Variants in TKT observed in about 807,000 individuals in gnomAD.
The protein encoded by TKT is epididymis luminal protein 107.
In TKT, 47 loss-of-function variants were observed where a neutral mutation model predicts 63.9. The ratio of observed to expected loss-of-function variants is 0.74; its 90% CI spans 0.58 to 0.94. TKT has a LOEUF of 0.94. TKT is among the 40% of genes least tolerant of loss of function. The probability of loss-of-function intolerance (pLI) is 0.00; values close to 1 mark genes in which losing one functional copy is unlikely to be tolerated. For synonymous variants in TKT, 338 were observed against 334.1 expected, an observed-to-expected ratio of 1.01 and a Z score of -0.13; for missense variants, 721 against 846.2, an observed-to-expected ratio of 0.85 and a Z score of 1.84.
chr3:53,236,879 C>T (rs1233543661), intron 4 of TKT, among the ~76,000 whole-genome samples: 14 of 152,212 alleles, frequency 9.2e-5, no homozygotes, highest in African/African-American at 3.4e-4. Context: ...CCTGGGCTAA[C>T]CCTGAGGCTT....
In TKT at chr3:53,225,574, G is replaced by T; in HGVS notation, c.*182C>A. 2 of 669,788 alleles carry T rather than the reference G, an allele frequency of 3.0e-6. No individual in the cohort carries two copies. Among genetic ancestry groups the T allele is most frequent in the South Asian group, 2.8e-5 (1 of 36,070 alleles). 41.5% of individuals were successfully genotyped at this position (669,788 alleles called of 1,614,324 possible). On this transcript the variant is annotated 3_prime_UTR_variant, in exon 14 of 14. Transcript: ENST00000462138. Reference sequence around the variant, plus strand: ...GACCAAGGACACCAGCCTCCCTAGCGCACCCTCCACGCTTCTTCCCCAGAA... The same window carrying T: ...GACCAAGGACACCAGCCTCCCTAGCTCACCCTCCACGCTTCTTCCCCAGAA...
At chr3:53,228,597 G>C in intron 10 of TKT, 1 of 540,146 alleles carries the variant, frequency 1.9e-6, no homozygotes, top group South Asian at 2.0e-5. Context: ...AGGTAGACTG[G>C]CTGCAGGTGG....
At chr3:53,227,131 G>T (rs80040029) in intron 12 of TKT, 12,604 of 437,982 alleles carry the variant, frequency 0.029, 1,291 homozygotes, top group African/African-American at 0.23. Flanking sequence ...GGAGCGTGCA[G>T]GCCCTGAGCG....
chr3:53,227,031 C>G, intron 12 of TKT, 153 bp from the exon 13 acceptor site: 1 of 911,752 alleles, frequency 1.1e-6, no homozygotes, highest in Non-Finnish European at 1.6e-6. Flanking sequence ...CTTGCCACCT[C>G]GTTCCCATGG....
At chr3:53,234,522 G>C (rs917108045) in intron 5 of TKT, 1 of 153,156 alleles carries the variant, frequency 6.5e-6, no homozygotes, top group African/African-American at 2.4e-5. Flanking sequence ...AAGGCCGAAG[G>C]GGGGCATCTG....
At position 53,229,074 on chromosome 3, in the gene TKT, G is replaced by A; in HGVS notation, c.1328C>T (p.Ser443Leu). The A allele has an allele frequency of 1.2e-6, 2 of 1,614,156 alleles. No homozygotes were observed. Among genetic ancestry groups the A allele is most frequent in the Non-Finnish European group, 1.7e-6 (2 of 1,180,018 alleles). Residue 443 changes from serine (S) to leucine (L), a missense_variant, in exon 10 of 14, where the codon TCA becomes TTA. By Grantham distance (145) the Ser-to-Leu change is moderately radical. Transcript: ENST00000462138. ...DLAMFRSVPT[S>L]TVFYPSDGVA... ...GCCATCACTTGGGTAAAAGACAGTT[G>A]ATGTGGGGACTGACCGAAACATAGC...
At chr3:53,239,440 C>T (rs1705176528) in intron 4 of TKT, among the ~76,000 whole-genome samples, 1 of 152,178 alleles carries the variant, frequency 6.6e-6, no homozygotes, top group African/African-American at 2.4e-5. Flanking sequence ...TCCTATGTAG[C>T]TGGGACTACA....
chr3:53,229,076 T>G lies in TKT; in HGVS notation c.1326A>C (p.Thr442=). Residue 442 remains threonine, a synonymous_variant, in exon 10 of 14, where the codon ACA becomes ACC. Transcript: ENST00000462138. ...CATCACTTGGGTAAAAGACAGTTGATGTGGGGACTGACCGAAACATAGCCA... is the reference window on the plus strand; with the variant it reads ...CATCACTTGGGTAAAAGACAGTTGAGGTGGGGACTGACCGAAACATAGCCA... ...EDLAMFRSVP[T]STVFYPSDGV... 6.2e-7 allele frequency: 1 copy of G among 1,614,140 alleles called. No homozygotes were observed. Among genetic ancestry groups the G allele is most frequent in the Admixed American group, 1.7e-5 (1 of 60,010 alleles).
rs1553675253 is a variant in TKT at position 53,225,664 on chromosome 3, C to T, written c.*92G>A. 1.5e-6 allele frequency: 2 copies of T among 1,366,578 alleles called. No homozygotes were observed. Among genetic ancestry groups the T allele is most frequent in the African/African-American group, 1.5e-5 (1 of 68,260 alleles). 84.7% of individuals were successfully genotyped at this position (1,366,578 alleles called of 1,614,324 possible). ...CAGGGCCAATTCATTTTTCTCAAAA[C>T]ATATATTTACCCCTCCTCTCAGTAC... On this transcript the variant is annotated 3_prime_UTR_variant, in exon 14 of 14. Transcript: ENST00000462138.
At chr3:53,241,791 A>C in intron 2 of TKT, 1 of 344,112 alleles carries the variant, frequency 2.9e-6, no homozygotes, top group South Asian at 2.8e-5. Context: ...GCCACAACCC[A>C]GACCGAGATG....
chr3:53,246,145 G>A (rs782214290), intron 1 of TKT, among the ~76,000 whole-genome samples: 13 of 151,304 alleles, frequency 8.6e-5, no homozygotes, highest in South Asian at 6.3e-4. Flanking sequence ...GCAGGCACCC[G>A]TAATCCCAGC....
At chr3:53,246,261 C>G (rs1341433331) in intron 1 of TKT, among the ~76,000 whole-genome samples, 1 of 151,988 alleles carries the variant, frequency 6.6e-6, no homozygotes, top group African/African-American at 2.4e-5. Flanking sequence ...GAGTGAGACT[C>G]CATCTCAGGA....
intron 1 of TKT, among the ~76,000 whole-genome samples, chr3:53,250,233 A>C (rs554707747): frequency 2.0e-5 from 3 of 152,284 alleles, no homozygotes; most frequent in East Asian, 1.9e-4. Context: ...GAGGCAGCCC[A>C]AAAACAGAAA....
At chr3:53,244,020 CTCTT>C (rs1553680469) in intron 1 of TKT, among the ~76,000 whole-genome samples, 1 of 152,176 alleles carries the variant, frequency 6.6e-6, no homozygotes, top group Non-Finnish European at 1.5e-5. Flanking sequence ...GTGGCACAGG[CTCTT>C]TCTGTGTGTG....
intron 4 of TKT, among the ~76,000 whole-genome samples, chr3:53,237,084 C>T (rs1353978377): frequency 6.6e-6 from 1 of 152,168 alleles, no homozygotes; most frequent in Non-Finnish European, 1.5e-5. Flanking sequence ...ATTATGTGAT[C>T]ATTAAAACCA....
chr3:53,226,712 T>C, intron 13 of TKT, 44 bp downstream of exon 13: 1 of 1,613,610 alleles, frequency 6.2e-7, no homozygotes, highest in Non-Finnish European at 8.5e-7. Flanking sequence ...CTCGGCTCTC[T>C]GGCCCTGTCC....
At chr3:53,232,959 G>A (rs1704835662) in intron 6 of TKT, 197 bp downstream of exon 6, 1 of 573,298 alleles carries the variant, frequency 1.7e-6, no homozygotes, top group East Asian at 3.0e-5. Flanking sequence ...ACCGGCAGAG[G>A]CCAGACGGAT....
chr3:53,241,988 G>A (rs1705299882), intron 2 of TKT, 137 bp downstream of exon 2: 3 of 764,986 alleles, frequency 3.9e-6, no homozygotes, highest in South Asian at 1.5e-5. Context: ...TGAGGGAGAG[G>A]CCAGGACGAG....
At chr3:53,228,231 G>T (rs782624103) in intron 11 of TKT, 45 bp downstream of exon 11, 7 of 1,613,486 alleles carry the variant, frequency 4.3e-6, no homozygotes, top group Non-Finnish European at 5.9e-6. Flanking sequence ...CAGCAGGGAG[G>T]GTCCAGGCAG....
Sources: gnomAD v4.1 joint callset for allele counts (sites outside exome capture counted in the v4.1 genomes callset) on GRCh38, gnomAD v4.1.1 for gene constraint, MANE v1.5 for transcripts, NCBI Gene and HGNC (gene_info 2026-07-23, HGNC 2026-07-21) for gene names.